HMG20A: variants seen among roughly 807,000 people sequenced by gnomAD.
HMG20A encodes the protein high mobility group protein 20A.
Under a neutral mutation model 43.9 loss-of-function variants are expected in HMG20A, and 17 were observed. That is an observed-to-expected ratio of 0.39 (90% CI 0.27 to 0.58). The LOEUF (loss-of-function observed/expected upper bound fraction) is 0.58, where lower values mean the gene tolerates loss of function less well. Among genes scored for constraint, HMG20A ranks in the 20% least tolerant of loss-of-function variants. The pLI is 0.59. For synonymous variants in HMG20A, 132 were observed against 147.5 expected (o/e 0.89, Z 0.76); for missense variants, 341 against 438.2 (o/e 0.78, Z 1.98).
chr15:77,486,697 G>A (rs1276620994), downstream of HMG20A, among the ~76,000 whole-genome samples: 1 of 152,210 alleles, frequency 6.6e-6, no homozygotes, highest in South Asian at 2.1e-4. Flanking sequence ...AGCCATTTGT[G>A]TGGCATTGGG....
intron 3 of HMG20A, among the ~76,000 whole-genome samples, chr15:77,465,171 A>G (rs2072743423): frequency 6.9e-6 from 1 of 145,670 alleles, no homozygotes; most frequent in Non-Finnish European, 1.5e-5. Context: ...CTGAAGCAGG[A>G]GAATCTCTTG....
intron 3 of HMG20A, among the ~76,000 whole-genome samples, chr15:77,465,514 G>C (rs1436503188): frequency 6.6e-6 from 1 of 151,226 alleles, no homozygotes; most frequent in Admixed American, 6.6e-5. Flanking sequence ...TCCTGCCCCA[G>C]CTTCCCAAGT....
intron 6 of HMG20A, among the ~76,000 whole-genome samples, chr15:77,474,558 G>T (rs1421731446): frequency 1.3e-5 from 2 of 152,304 alleles, no homozygotes; most frequent in Middle Eastern, 3.4e-3. Context: ...GTAAAAATGG[G>T]CCTCGTTGCC....
At chr15:77,490,812 C>G in the HMG20A span, among the ~76,000 whole-genome samples, 1 of 152,182 alleles carries the variant, frequency 6.6e-6, no homozygotes, top group South Asian at 2.1e-4. Context: ...GAAGTCCCAA[C>G]AACAGATGAG....
At chr15:77,500,554 C>T in the HMG20A span, among the ~76,000 whole-genome samples, 1 of 135,022 alleles carries the variant, frequency 7.4e-6, no homozygotes, top group Non-Finnish European at 1.6e-5. Flanking sequence ...TCCCCAAACC[C>T]TCCCTGTTCT....
chr15:77,501,881 C>T, the HMG20A span, among the ~76,000 whole-genome samples: 3 of 152,194 alleles, frequency 2.0e-5, no homozygotes, highest in Non-Finnish European at 4.4e-5. Flanking sequence ...ATTCCTACCT[C>T]TGACTTAACC....
chr15:77,476,662 A>G (rs887762708), intron 6 of HMG20A, among the ~76,000 whole-genome samples: 7 of 152,108 alleles, frequency 4.6e-5, no homozygotes, highest in Non-Finnish European at 2.9e-5. Context: ...TTCATTTCTC[A>G]CTTCCTGCCA....
intron 1 of HMG20A, among the ~76,000 whole-genome samples, chr15:77,423,424 T>G: frequency 6.6e-6 from 1 of 152,312 alleles, no homozygotes; most frequent in Non-Finnish European, 1.5e-5. Flanking sequence ...GCATGTTTAA[T>G]AGAAATATAG....
Position 77,483,288 on chromosome 15 carries a change from T to C in HMG20A, c.*325T>C, listed in dbSNP as rs2072920168. 6.6e-6 allele frequency: 1 copy of C among 152,262 alleles called. No homozygotes were observed. The highest frequency in any genetic ancestry group is 2.4e-5 in the African/African-American group (1 of 41,474). 9.4% of individuals were successfully genotyped at this position (152,262 alleles called of 1,614,324 possible). On this transcript the variant is annotated 3_prime_UTR_variant, in exon 10 of 10. Transcript: ENST00000336216. ...TCAGCTTACTAGGTGACCCGGATGC[T>C]GACATCTGCTGCTGCAGAAAGGAAG...
chr15:77,460,066 G>A (rs2072691442), intron 2 of HMG20A, among the ~76,000 whole-genome samples: 1 of 152,150 alleles, frequency 6.6e-6, no homozygotes, highest in African/African-American at 2.4e-5. Context: ...TGAGAATAGA[G>A]TGAAGGGAGC....
chr15:77,425,919 A>T (rs2073422049), intron 1 of HMG20A, among the ~76,000 whole-genome samples: 1 of 152,226 alleles, frequency 6.6e-6, no homozygotes, highest in South Asian at 2.1e-4. Context: ...ATAGCCATAC[A>T]ATGGAATATT....
chr15:77,450,291 C>T (rs182336857), intron 1 of HMG20A, among the ~76,000 whole-genome samples: 134 of 152,142 alleles, frequency 8.8e-4, no homozygotes, highest in Admixed American at 3.8e-3. Flanking sequence ...CCACCACACC[C>T]GGCTAATTTT....
At chr15:77,504,081 A>G in the HMG20A span, among the ~76,000 whole-genome samples, 4 of 152,230 alleles carry the variant, frequency 2.6e-5, no homozygotes, top group Admixed American at 6.5e-5. Context: ...GGAAAAAAAT[A>G]TCTTTAGTAA....
At chr15:77,498,240 C>T in the HMG20A span, among the ~76,000 whole-genome samples, 1 of 152,144 alleles carries the variant, frequency 6.6e-6, no homozygotes, top group Non-Finnish European at 1.5e-5. Flanking sequence ...AGAGCTGCTG[C>T]CGGCACTTTC....
At chr15:77,457,558 C>T (rs2072666334) in intron 1 of HMG20A, among the ~76,000 whole-genome samples, 1 of 152,186 alleles carries the variant, frequency 6.6e-6, no homozygotes, top group African/African-American at 2.4e-5. Context: ...AGGCAAAAAT[C>T]GTTTTTCATA....
chr15:77,426,654 C>T (rs1024784318), intron 1 of HMG20A, among the ~76,000 whole-genome samples: 1 of 151,852 alleles, frequency 6.6e-6, no homozygotes, highest in African/African-American at 2.4e-5. Context: ...GTTCAAGGGT[C>T]AACTGTACAA....
intron 1 of HMG20A, among the ~76,000 whole-genome samples, chr15:77,454,585 A>C (rs1036952269): frequency 3.3e-5 from 5 of 152,212 alleles, no homozygotes; most frequent in Non-Finnish European, 7.3e-5. Flanking sequence ...TTGTGATTGG[A>C]TACCATACAT....
intron 4 of HMG20A, 101 bp downstream of exon 4, chr15:77,467,408 T>G (rs2072766847): frequency 1.6e-5 from 16 of 972,588 alleles, no homozygotes; most frequent in Non-Finnish European, 2.3e-5. Context: ...TTCTGCAGTT[T>G]TGTCACAGTG....
At chr15:77,421,418 A>G (rs2073336450) in intron 1 of HMG20A, among the ~76,000 whole-genome samples, 1 of 152,218 alleles carries the variant, frequency 6.6e-6, no homozygotes, top group South Asian at 2.1e-4. Flanking sequence ...CTCCCCAGCA[A>G]AATTGTCTGT....
Sources: allele counts gnomAD v4.1 joint callset (sites outside exome capture counted in the v4.1 genomes callset), GRCh38; gene constraint gnomAD v4.1.1; transcripts MANE v1.5; gene names NCBI Gene and HGNC (gene_info 2026-07-23, HGNC 2026-07-21).